The following CNTN5 variants were observed in gnomAD, a reference collection of about 807,000 sequenced individuals.
CNTN5 encodes the protein contactin-5.
Under a neutral mutation model 129.1 loss-of-function variants are expected in CNTN5, and 77 were observed. The observed-to-expected ratio is 0.60, with a 90% CI of 0.50 to 0.72. CNTN5 has a LOEUF of 0.72. CNTN5 is among the 30% of genes least tolerant of loss of function. The pLI is 0.00. For synonymous variants in CNTN5, 509 were observed against 465.6 expected (o/e 1.09, Z -1.20); for missense variants, 1,478 against 1,328.8 (o/e 1.11, Z -1.75).
At chr11:99,527,846 ATC>A (rs1164242669) in intron 2 of CNTN5, among the ~76,000 whole-genome samples, 1 of 152,184 alleles carries the variant, frequency 6.6e-6, no homozygotes, top group East Asian at 1.9e-4. Context: ...GAGTTGCAGG[ATC>A]TAGACAGAGT....
chr11:99,143,642 G>A (rs1859641581), intron 1 of CNTN5, among the ~76,000 whole-genome samples: 1 of 151,930 alleles, frequency 6.6e-6, no homozygotes, highest in Admixed American at 6.6e-5. Context: ...GCTATATTAA[G>A]TTATGTGCAC....
intron 1 of CNTN5, among the ~76,000 whole-genome samples, chr11:99,078,683 C>T (rs1233906115): frequency 1.3e-5 from 2 of 152,004 alleles, no homozygotes; most frequent in African/African-American, 2.4e-5. Context: ...TGAAATAATC[C>T]AGGCACAGAA....
At chr11:99,550,728 A>C (rs1304779978) in intron 2 of CNTN5, among the ~76,000 whole-genome samples, 1 of 152,194 alleles carries the variant, frequency 6.6e-6, no homozygotes, top group East Asian at 1.9e-4. Context: ...TACCTTAATA[A>C]ATGAAAATAA....
chr11:100,017,472 T>C (rs1940889501), intron 9 of CNTN5, among the ~76,000 whole-genome samples: 1 of 151,986 alleles, frequency 6.6e-6, no homozygotes, highest in Non-Finnish European at 1.5e-5. Context: ...CTTAAAGTAG[T>C]GGTGTGTCTT....
intron 3 of CNTN5, among the ~76,000 whole-genome samples, chr11:99,641,748 G>A (rs1951779227): frequency 6.6e-6 from 1 of 152,046 alleles, no homozygotes; most frequent in African/African-American, 2.4e-5. Context: ...ACTTAAACCT[G>A]GGCAGATCTG....
chr11:99,703,959 G>A (rs756913646), intron 3 of CNTN5, among the ~76,000 whole-genome samples: 9 of 150,936 alleles, frequency 6.0e-5, no homozygotes, highest in Admixed American at 4.6e-4. Flanking sequence ...TAAATAATCT[G>A]AAACAAGTTG....
Position 100,358,456 on chromosome 11 carries a change from C to A in CNTN5, c.*2236C>A, listed in dbSNP as rs993883978. The A allele has an allele frequency of 5.3e-5, 8 of 151,776 alleles. 1 individual carries two copies. The highest frequency in any genetic ancestry group is 2.6e-4 in the Admixed American group (4 of 15,206). The allele number at this position is 151,776 out of a possible 1,614,324, so 9.4% of individuals were successfully genotyped here. ...CAGAATATGTATTTTGCATCATAAA[C>A]CTATTTAAAAAACAGGTTTTCAATG... is the stretch of plus-strand genomic sequence containing the variant. On this transcript the variant is annotated 3_prime_UTR_variant, in exon 25 of 25. Coordinates refer to ENST00000524871, the MANE Select transcript of CNTN5 (RefSeq NM_014361.4).
intron 16 of CNTN5, among the ~76,000 whole-genome samples, chr11:100,242,003 G>A (rs1223938214): frequency 6.6e-6 from 1 of 152,146 alleles, no homozygotes; most frequent in Non-Finnish European, 1.5e-5. Context: ...CGTTTCAATG[G>A]CTTCTTTCTT....
At chr11:99,799,378 T>A (rs2135472927) in intron 3 of CNTN5, among the ~76,000 whole-genome samples, 1 of 152,104 alleles carries the variant, frequency 6.6e-6, no homozygotes, top group African/African-American at 2.4e-5. Context: ...TGGTGTTAGC[T>A]GTAGGTTTGT....
At chr11:100,330,043 A>G (rs1366380423) in intron 21 of CNTN5, among the ~76,000 whole-genome samples, 1 of 152,332 alleles carries the variant, frequency 6.6e-6, no homozygotes, top group Admixed American at 6.5e-5. Context: ...GAGGCACCAG[A>G]GAAAGGTGAA....
chr11:99,470,600 T>C (rs1050134392), intron 2 of CNTN5, among the ~76,000 whole-genome samples: 1 of 152,160 alleles, frequency 6.6e-6, no homozygotes, highest in East Asian at 1.9e-4. Flanking sequence ...TGATATAATA[T>C]GTATTTGATG....
chr11:100,323,741 T>C (rs760033425), intron 21 of CNTN5, among the ~76,000 whole-genome samples: 27 of 152,152 alleles, frequency 1.8e-4, no homozygotes, highest in Admixed American at 4.6e-4. Context: ...ATGTTTCTTT[T>C]TCCAATTCAT....
At chr11:99,563,529 A>G (rs1335120925) in intron 3 of CNTN5, among the ~76,000 whole-genome samples, 2 of 152,240 alleles carry the variant, frequency 1.3e-5, no homozygotes, top group African/African-American at 4.8e-5. Context: ...CTTTTGCAGC[A>G]TAACAAATCA....
chr11:99,810,311 A>C (rs1453320505), intron 3 of CNTN5, among the ~76,000 whole-genome samples: 1 of 152,168 alleles, frequency 6.6e-6, no homozygotes, highest in Non-Finnish European at 1.5e-5. Context: ...TGTAGAAATA[A>C]TTTCAAATCA....
At chr11:99,980,278 A>G (rs1938249906) in intron 8 of CNTN5, among the ~76,000 whole-genome samples, 2 of 152,256 alleles carry the variant, frequency 1.3e-5, no homozygotes, top group Non-Finnish European at 1.5e-5. Flanking sequence ...ACAAGACTTC[A>G]TAGATTATAT....
At chr11:99,374,090 A>G (rs17133419) in intron 2 of CNTN5, among the ~76,000 whole-genome samples, 4,809 of 152,296 alleles carry the variant, frequency 0.032, 254 homozygotes, top group African/African-American at 0.11. Context: ...TTTAGAAATC[A>G]GATCAGAAGG....
chr11:100,036,882 G>T (rs1365065787), intron 9 of CNTN5, among the ~76,000 whole-genome samples: 1 of 146,022 alleles, frequency 6.8e-6, no homozygotes, highest in African/African-American at 2.6e-5. Context: ...AGATGATGGG[G>T]TTTTCTGGAT....
Position 99,074,628 on chromosome 11 carries a change from C to T in CNTN5, c.-210+53358C>T, listed in dbSNP as rs116227025. 7.3e-3 allele frequency among the ~76,000 whole-genome samples: 1,111 copies of T among 152,226 alleles called. 12 individuals carry two copies. Among genetic ancestry groups the T allele is most frequent in the African/African-American group, 0.025 (1,051 of 41,538 alleles). On this transcript the variant is annotated intron_variant, in intron 1 of 24. Coordinates refer to ENST00000524871, the MANE Select transcript of CNTN5 (RefSeq NM_014361.4). ...CTGGGATTACAGACGTGAGCCACTG[C>T]GCCTGGCCTTTGAACCTTTTTAAAT...
At chr11:99,714,291 C>T (rs1333169751) in intron 3 of CNTN5, among the ~76,000 whole-genome samples, 1 of 151,874 alleles carries the variant, frequency 6.6e-6, no homozygotes, top group Non-Finnish European at 1.5e-5. Flanking sequence ...CTATAAATCA[C>T]CTGTGCATAT....
Sources: allele counts gnomAD v4.1 joint callset (sites outside exome capture counted in the v4.1 genomes callset), GRCh38; gene constraint gnomAD v4.1.1; transcripts MANE v1.5; gene names NCBI Gene and HGNC (gene_info 2026-07-23, HGNC 2026-07-21).